NTM: variants seen among roughly 807,000 people sequenced by gnomAD.
The protein encoded by NTM is IgLON family member 2.
In NTM, 13 loss-of-function variants were observed where a neutral mutation model predicts 42.1. That is an observed-to-expected ratio of 0.31 (90% CI 0.20 to 0.49). The LOEUF is 0.49. Among genes scored for constraint, NTM ranks in the 20% least tolerant of loss-of-function variants. NTM has a pLI of 0.99. For missense variants in NTM, 373 were observed against 452.8 expected (o/e 0.82, Z 1.60); for synonymous variants, 187 against 179.2 (o/e 1.04, Z -0.35).
At chr11:131,539,512 T>C (rs556921044) in intron 1 of NTM, 2 of 152,276 alleles carry the variant, frequency 1.3e-5, no homozygotes, top group South Asian at 4.2e-4. Flanking sequence ...GCCTGTGACT[T>C]AGCAGACAAG....
chr11:131,465,588 C>T (rs1200129595), intron 1 of NTM, among the ~76,000 whole-genome samples: 2 of 152,172 alleles, frequency 1.3e-5, no homozygotes, highest in African/African-American at 4.8e-5. Flanking sequence ...CCCCTGGGAT[C>T]TGTGTACTCC....
intron 3 of NTM, among the ~76,000 whole-genome samples, chr11:132,199,398 A>G (rs1025309340): frequency 6.6e-6 from 1 of 152,198 alleles, no homozygotes; most frequent in Non-Finnish European, 1.5e-5. Flanking sequence ...AATTGGACAT[A>G]TTTTGGATTG....
At chr11:131,833,417 A>G (rs2043073894) in intron 1 of NTM, among the ~76,000 whole-genome samples, 1 of 152,180 alleles carries the variant, frequency 6.6e-6, no homozygotes, top group South Asian at 2.1e-4. Flanking sequence ...AGTAGATACT[A>G]ATTGTATCCC....
chr11:131,895,772 T>G (rs376608120), intron 1 of NTM, among the ~76,000 whole-genome samples: 2 of 152,192 alleles, frequency 1.3e-5, no homozygotes, highest in African/African-American at 4.8e-5. Flanking sequence ...GAAGCATTGG[T>G]TAAACTAATG....
intron 1 of NTM, among the ~76,000 whole-genome samples, chr11:131,513,000 A>G (rs1036717234): frequency 1.3e-5 from 2 of 152,066 alleles, no homozygotes; most frequent in Admixed American, 6.6e-5. Flanking sequence ...TGTTCTTCCC[A>G]GCCCCTTCTT....
At chr11:131,547,944 G>A (rs1375437720) in intron 1 of NTM, among the ~76,000 whole-genome samples, 2 of 152,104 alleles carry the variant, frequency 1.3e-5, no homozygotes, top group Admixed American at 6.5e-5. Context: ...GGAGGCGTCC[G>A]AATAAGATTG....
chr11:131,396,047 G>A (rs1944517401), intron 1 of NTM, among the ~76,000 whole-genome samples: 1 of 152,202 alleles, frequency 6.6e-6, no homozygotes, highest in African/African-American at 2.4e-5. Context: ...CTGGAGGTGA[G>A]CAGGGTCTAG....
intron 1 of NTM, among the ~76,000 whole-genome samples, chr11:131,612,207 A>G (rs796542463): frequency 6.6e-6 from 1 of 152,198 alleles, no homozygotes; most frequent in African/African-American, 2.4e-5. Context: ...ACAGCAGTCA[A>G]ACCCCTGCCT....
chr11:131,629,116 T>C (rs902896354), intron 1 of NTM, among the ~76,000 whole-genome samples: 1 of 152,248 alleles, frequency 6.6e-6, no homozygotes, highest in Admixed American at 6.5e-5. Context: ...CTTGTGCAGC[T>C]TGTGGCTGAG....
chr11:132,132,547 A>T (rs2067013226), intron 2 of NTM, among the ~76,000 whole-genome samples: 1 of 152,172 alleles, frequency 6.6e-6, no homozygotes, highest in South Asian at 2.1e-4. Context: ...GTTACTTGGA[A>T]AATAATAGGG....
chr11:131,896,379 C>T (rs570755157), intron 1 of NTM, among the ~76,000 whole-genome samples: 2 of 152,094 alleles, frequency 1.3e-5, no homozygotes, highest in East Asian at 3.9e-4. Context: ...TACAACTACC[C>T]CATAGGATAT....
chr11:131,919,903 T>C (rs562281160), intron 2 of NTM, among the ~76,000 whole-genome samples: 71 of 152,274 alleles, frequency 4.7e-4, no homozygotes, highest in African/African-American at 1.5e-3. Context: ...TTTGTCCACC[T>C]ATAATTGTGA....
At chr11:132,116,269 T>G (rs1462818731) in intron 2 of NTM, among the ~76,000 whole-genome samples, 1 of 152,134 alleles carries the variant, frequency 6.6e-6, no homozygotes, top group Admixed American at 6.5e-5. Context: ...AAACTGCTTT[T>G]AAGTAGGGGC....
At chr11:132,191,316 TC>T (rs1352449920) in intron 3 of NTM, among the ~76,000 whole-genome samples, 1 of 152,078 alleles carries the variant, frequency 6.6e-6, no homozygotes, top group African/African-American at 2.4e-5. Flanking sequence ...GCTCCCACCT[TC>T]CAGTGCAGCC....
At chr11:131,659,816 G>A (rs1041032666) in intron 1 of NTM, among the ~76,000 whole-genome samples, 1 of 152,170 alleles carries the variant, frequency 6.6e-6, no homozygotes, top group African/African-American at 2.4e-5. Context: ...TTTCTCTCCA[G>A]GGCTTAGCTC....
At chr11:132,269,045 T>C (rs781154571) in intron 4 of NTM, among the ~76,000 whole-genome samples, 7 of 152,108 alleles carry the variant, frequency 4.6e-5, no homozygotes, top group Non-Finnish European at 1.0e-4. Flanking sequence ...AAAAGCAAAA[T>C]TGAATCTGAA....
intron 4 of NTM, among the ~76,000 whole-genome samples, chr11:132,228,512 C>T (rs2086784444): frequency 6.6e-6 from 1 of 152,200 alleles, no homozygotes. Flanking sequence ...AGAGGCACTC[C>T]TTTCTTGGAG....
chr11:131,463,458 G>A (rs1264977978), intron 1 of NTM, among the ~76,000 whole-genome samples: 3 of 152,230 alleles, frequency 2.0e-5, no homozygotes, highest in Non-Finnish European at 4.4e-5. Flanking sequence ...CTTGTCATCT[G>A]TACCTTGCTG....
intron 1 of NTM, chr11:131,794,596 C>T (rs74925794): frequency 0.072 from 70,659 of 982,652 alleles, 2,711 homozygotes; most frequent in Non-Finnish European, 0.076. Context: ...GGCAATAGAC[C>T]GACACAAAAT....
Sources: gnomAD v4.1 joint callset for allele counts (sites outside exome capture counted in the v4.1 genomes callset) on GRCh38, gnomAD v4.1.1 for gene constraint, MANE v1.5 for transcripts, NCBI Gene and HGNC (gene_info 2026-07-23, HGNC 2026-07-21) for gene names.